The following SP100 variants were observed in gnomAD, a reference collection of about 807,000 sequenced individuals.
SP100 encodes nuclear autoantigen Sp-100.
A neutral mutation model predicts 130.0 loss-of-function variants in SP100; 84 were observed. That is an observed-to-expected ratio of 0.65 (90% CI 0.54 to 0.77). The LOEUF is 0.77. Among genes scored for constraint, SP100 ranks in the 30% least tolerant of loss-of-function variants. SP100 has a pLI of 0.00. For synonymous variants in SP100, 331 were observed against 351.7 expected (o/e 0.94, Z 0.66); for missense variants, 978 against 1,052.2 (o/e 0.93, Z 0.97).
intron 17 of SP100, among the ~76,000 whole-genome samples, chr2:230,481,430 C>A (rs2065827971): frequency 6.6e-6 from 1 of 152,110 alleles, no homozygotes; most frequent in Admixed American, 6.6e-5. Context: ...TGCTTGATTT[C>A]CCTCTATGCT....
intron 8 of SP100, 31 bp downstream of exon 8, chr2:230,450,286 T>C: frequency 6.5e-7 from 1 of 1,532,364 alleles, no homozygotes; most frequent in Non-Finnish European, 9.0e-7. Flanking sequence ...CTATTTTCTT[T>C]CCTTTCTTAT....
chr2:230,417,137 C>T (rs1262101036), intron 1 of SP100, among the ~76,000 whole-genome samples: 1 of 152,194 alleles, frequency 6.6e-6, no homozygotes, highest in Admixed American at 6.5e-5. Context: ...AGCTTCTCTT[C>T]CCAGTCCTGT....
chr2:230,496,463 G>A (rs1254915248), intron 18 of SP100, among the ~76,000 whole-genome samples: 2 of 152,126 alleles, frequency 1.3e-5, no homozygotes, highest in African/African-American at 2.4e-5. Flanking sequence ...AGCTAATTTG[G>A]GTCTAGGAGG....
intron 21 of SP100, among the ~76,000 whole-genome samples, chr2:230,504,822 A>G (rs1402507047): frequency 1.3e-5 from 2 of 152,216 alleles, no homozygotes; most frequent in Non-Finnish European, 2.9e-5. Flanking sequence ...CAATTTATTT[A>G]CATATGTCTG....
intron 24 of SP100, among the ~76,000 whole-genome samples, chr2:230,522,044 T>C (rs1320352000): frequency 2.0e-5 from 3 of 152,172 alleles, no homozygotes; most frequent in Admixed American, 6.5e-5. Flanking sequence ...TTGTTTGTAA[T>C]TGTGTGTGTG....
chr2:230,425,098 A>T (rs915783829), intron 2 of SP100, among the ~76,000 whole-genome samples: 2 of 152,348 alleles, frequency 1.3e-5, no homozygotes, highest in African/African-American at 4.8e-5. Context: ...GATTACCACA[A>T]TGAAGTTAGT....
intron 20 of SP100, 146 bp from the exon 21 acceptor site, chr2:230,504,040 A>G (rs1281518943): frequency 4.2e-5 from 24 of 574,904 alleles, no homozygotes; most frequent in Non-Finnish European, 7.5e-5. Flanking sequence ...GTGCCATGAA[A>G]GAAGGACTTT....
chr2:230,450,093 C>T (rs1420109029), intron 7 of SP100, 79 bp from the exon 8 acceptor site: 3 of 932,028 alleles, frequency 3.2e-6, no homozygotes, highest in Non-Finnish European at 5.1e-6. Context: ...AAAGGAGAAG[C>T]AGGGTGAGGT....
chr2:230,512,878 A>G (rs1690699901), intron 24 of SP100, among the ~76,000 whole-genome samples: 1 of 152,166 alleles, frequency 6.6e-6, no homozygotes, highest in Non-Finnish European at 1.5e-5. Context: ...GGAGACAGAG[A>G]CAGATCATGA....
At chr2:230,416,459 T>C in intron 1 of SP100, 131 bp downstream of exon 1, 1 of 778,668 alleles carries the variant, frequency 1.3e-6, no homozygotes, top group Non-Finnish European at 2.0e-6. Context: ...CGATGTTATA[T>C]AATGAAATGA....
chr2:230,444,149 T>C, intron 3 of SP100, 29 bp from the exon 4 acceptor site: 2 of 1,488,798 alleles, frequency 1.3e-6, no homozygotes, highest in East Asian at 4.6e-5. Flanking sequence ...AGTCTTTATT[T>C]ATATTTTCTC....
intron 2 of SP100, among the ~76,000 whole-genome samples, chr2:230,437,425 A>G (rs2063326761): frequency 6.6e-6 from 1 of 152,142 alleles, no homozygotes. Flanking sequence ...TATTTTCTAT[A>G]TGAAGTCTGT....
At chr2:230,500,181 T>A (rs556754067) in intron 19 of SP100, among the ~76,000 whole-genome samples, 2 of 152,210 alleles carry the variant, frequency 1.3e-5, no homozygotes, top group African/African-American at 4.8e-5. Context: ...TTTCTGACCA[T>A]ATTATTATTT....
Position 230,543,179 on chromosome 2 carries a change from T to A in SP100, c.*233T>A. On this transcript the variant is annotated 3_prime_UTR_variant, in exon 29 of 29. Transcript: ENST00000340126. ...CATATCCCAAAATAATAAGAGCCATTTATGACAAACCCACAGACAACATTA... is the reference window on the plus strand; with the variant it reads ...CATATCCCAAAATAATAAGAGCCATATATGACAAACCCACAGACAACATTA... The A allele has an allele frequency of 2.9e-6, 1 of 350,176 alleles. No homozygotes were observed. The highest frequency in any genetic ancestry group is 5.3e-6 in the Non-Finnish European group (1 of 189,800). The allele number at this position is 350,176 out of a possible 1,614,324, so 21.7% of individuals were successfully genotyped here. A position where few individuals can be genotyped will look rare whatever the true frequency, so the allele number is the denominator to read the frequency against.
rs557859487 is a variant in SP100 at position 230,506,763 on chromosome 2, G to A, written c.2013+318G>A. The A allele has an allele frequency of 3.0e-5, 7 of 229,916 alleles. No homozygotes were observed. In the East Asian group the frequency reaches 4.1e-4, roughly 14 times the overall value. 14.2% of individuals were successfully genotyped at this position (229,916 alleles called of 1,614,324 possible). A position where few individuals can be genotyped will look rare whatever the true frequency, so the allele number is the denominator to read the frequency against. On this transcript the variant is annotated intron_variant, in intron 22 of 28. Transcript: ENST00000340126. ...GTTGGAGGGGAGGTCTTAAATTTTC[G>A]GGGGAGGTAAATGTTAAATACACAC...
rs1194147234 is a variant in SP100 at position 230,464,113 on chromosome 2, C to T, written c.1104C>T (p.Gly368=). 1.2e-6 allele frequency: 2 copies of T among 1,612,954 alleles called. No individual in the cohort carries two copies. The highest frequency in any genetic ancestry group is 4.5e-5 in the East Asian group (2 of 44,878). Residue 368 remains glycine, a synonymous_variant, in exon 11 of 29, where the codon GGC becomes GGT. Transcript: ENST00000340126. ...NPLESNDEKE[G]QEATCSRPQI... is the part of the protein sequence containing the mutation. ...TAGAATCAAATGATGAAAAGGAGGG[C>T]CAAGAAGCCACTTGCTCACGACCCC...
chr2:230,536,235 C>G (rs752853002), intron 24 of SP100, among the ~76,000 whole-genome samples: 10 of 152,074 alleles, frequency 6.6e-5, no homozygotes, highest in Non-Finnish European at 1.3e-4. Flanking sequence ...TTTTGGGTGG[C>G]TATGTGGGTC....
chr2:230,462,401 T>G, intron 9 of SP100, 34 bp from the exon 10 acceptor site: 41 of 1,556,460 alleles, frequency 2.6e-5, no homozygotes, highest in Non-Finnish European at 3.2e-5. Context: ...GGTCACACCC[T>G]GAGACTCTTA....
rs558971447 is a variant in SP100, at chr2:230,449,101, C to T, written c.537C>T (p.Asn179=). ...TCTTCCTGCCAGGAACTGGTGAAAA[C>T]TCTTTTCGAAGCCTGACTTGGCCAC... is the stretch of plus-strand genomic sequence containing the variant. ...QLSLEQGTGE[N]SFRSLTWPPS... The change falls in exon 6 of 29, where the codon AAC becomes AAT. Residue 179 remains asparagine (N), a synonymous_variant. Coordinates refer to ENST00000340126, the MANE Select transcript of SP100 (RefSeq NM_001080391.2). The T allele has an allele frequency of 1.2e-5, 20 of 1,608,366 alleles. No homozygotes were observed. In the East Asian group the frequency reaches 3.1e-4, roughly 25 times the overall value.
Sources: allele counts gnomAD v4.1 joint callset (sites outside exome capture counted in the v4.1 genomes callset), GRCh38; gene constraint gnomAD v4.1.1; transcripts MANE v1.5; gene names NCBI Gene and HGNC (gene_info 2026-07-23, HGNC 2026-07-21).